Variants in SULF1 observed in about 807,000 individuals in gnomAD.
SULF1 encodes sulfatase 1.
SULF1 carries 46 observed loss-of-function variants against 110.5 expected under a neutral mutation model. The ratio of observed to expected loss-of-function variants is 0.42; its 90% CI spans 0.33 to 0.53. SULF1 has a LOEUF of 0.53. Ranked by LOEUF, SULF1 falls within the 20% of genes least tolerant of loss-of-function variation. SULF1 has a pLI of 0.12. For missense variants in SULF1, 941 were observed against 1,094.2 expected (o/e 0.86, Z 1.98); for synonymous variants, 371 against 387.1 (o/e 0.96, Z 0.49).
intron 8 of SULF1, among the ~76,000 whole-genome samples, chr8:69,590,465 T>C (rs1806814529): frequency 6.6e-6 from 1 of 152,136 alleles, no homozygotes; most frequent in African/African-American, 2.4e-5. Flanking sequence ...GCACCCAGCC[T>C]TATAAAATAT....
In SULF1 at chr8:69,495,878, C is replaced by G. The variant is rs1383584873; in HGVS notation, c.-277C>G. On this transcript the variant is annotated 5_prime_UTR_variant, in exon 2 of 23. Transcript: ENST00000402687. Reference sequence around the variant, plus strand: ...TAAGTTCATCCTTCTTCAGTGTGACCAGTAAATTCTTCCCATACTCTTGAA... The same window carrying G: ...TAAGTTCATCCTTCTTCAGTGTGACGAGTAAATTCTTCCCATACTCTTGAA... 1.3e-5 allele frequency: 2 copies of G among 152,202 alleles called. 1 individual carries two copies. Among genetic ancestry groups the G allele is most frequent in the African/African-American group, 4.8e-5 (2 of 41,448 alleles). The allele number at this position is 152,202 out of a possible 1,614,324, so 9.4% of individuals were successfully genotyped here.
At chr8:69,579,488 G>A (rs1041488512) in intron 6 of SULF1, among the ~76,000 whole-genome samples, 55 of 148,948 alleles carry the variant, frequency 3.7e-4, no homozygotes, top group African/African-American at 1.4e-3. Flanking sequence ...GGCAGAGGTT[G>A]CAGTGAGCCA....
At chr8:69,624,810 A>G (rs1052171749) in intron 15 of SULF1, among the ~76,000 whole-genome samples, 9 of 152,218 alleles carry the variant, frequency 5.9e-5, no homozygotes, top group Non-Finnish European at 1.2e-4. Context: ...CATAAGTTTA[A>G]TGAACTCACT....
intron 3 of SULF1, among the ~76,000 whole-genome samples, chr8:69,511,844 C>T (rs1021692134): frequency 3.9e-5 from 6 of 152,140 alleles, no homozygotes; most frequent in African/African-American, 9.7e-5. Context: ...TATATACATT[C>T]GATGACTTTT....
chr8:69,518,241 A>G (rs1018832842), intron 3 of SULF1, among the ~76,000 whole-genome samples: 2 of 152,046 alleles, frequency 1.3e-5, no homozygotes, highest in African/African-American at 4.8e-5. Flanking sequence ...AGCTCTAGAA[A>G]TTGTATTTGG....
chr8:69,526,754 G>A (rs1343334530), intron 3 of SULF1, among the ~76,000 whole-genome samples: 2 of 151,066 alleles, frequency 1.3e-5, no homozygotes, highest in Non-Finnish European at 2.9e-5. Flanking sequence ...TTACACTACT[G>A]TACTCTGGCA....
chr8:69,528,333 A>G (rs1230320153), intron 3 of SULF1, among the ~76,000 whole-genome samples: 1 of 152,176 alleles, frequency 6.6e-6, no homozygotes, highest in Non-Finnish European at 1.5e-5. Flanking sequence ...AGTTGTAGGG[A>G]TGGGTTTGAG....
At chr8:69,601,618 C>T (rs1807812492) in intron 9 of SULF1, 36 bp from the exon 10 acceptor site, 3 of 1,559,460 alleles carry the variant, frequency 1.9e-6, no homozygotes, top group Non-Finnish European at 2.6e-6. Flanking sequence ...TATACCAGCA[C>T]AATTGATTCT....
chr8:69,508,258 A>C (rs1811328452), intron 3 of SULF1, among the ~76,000 whole-genome samples: 2 of 152,122 alleles, frequency 1.3e-5, no homozygotes, highest in Admixed American at 1.3e-4. Flanking sequence ...GGCATGCGCC[A>C]CCACGCCCAG....
intron 3 of SULF1, among the ~76,000 whole-genome samples, chr8:69,554,953 T>C (rs1586387700): frequency 1.8e-5 from 2 of 113,240 alleles, no homozygotes. Flanking sequence ...CACTCCAGCC[T>C]GGGCGACAGG....
intron 5 of SULF1, among the ~76,000 whole-genome samples, chr8:69,570,600 A>G (rs1276084855): frequency 6.6e-6 from 1 of 152,226 alleles, no homozygotes; most frequent in Non-Finnish European, 1.5e-5. Flanking sequence ...GTTGGAGTAT[A>G]TAAAGTGATT....
At chr8:69,547,292 T>G (rs1814335922) in intron 3 of SULF1, among the ~76,000 whole-genome samples, 1 of 152,196 alleles carries the variant, frequency 6.6e-6, no homozygotes, top group South Asian at 2.1e-4. Context: ...TGAACTGTGA[T>G]GCCTTGTGAA....
At chr8:69,557,737 C>T (rs2150707749) in intron 3 of SULF1, among the ~76,000 whole-genome samples, 1 of 152,348 alleles carries the variant, frequency 6.6e-6, no homozygotes, top group East Asian at 1.9e-4. Flanking sequence ...CCAGCACTCA[C>T]CACTGTGTGA....
chr8:69,600,752 G>A lies in SULF1; in HGVS notation c.884G>A (p.Arg295Lys). 6.2e-7 allele frequency: 1 copy of A among 1,613,470 alleles called. No homozygotes were observed. The highest frequency in any genetic ancestry group is 8.5e-7 in the Non-Finnish European group (1 of 1,179,668). ...TLMSVDDSVE[R>K]LYNMLVETGE... ...ATGTCAGTGGATGATTCTGTGGAGA[G>A]GGTAAGCACATGAACCTACCTCAGT... Residue 295 changes from arginine (R) to lysine (K), a missense_variant and splice_region_variant, in exon 9 of 23, where the codon AGG becomes AAG. By Grantham distance (26) the Arg-to-Lys change is conservative. Transcript: ENST00000402687.
At chr8:69,516,875 C>T (rs1310244379) in intron 3 of SULF1, among the ~76,000 whole-genome samples, 1 of 152,122 alleles carries the variant, frequency 6.6e-6, no homozygotes, top group Admixed American at 6.6e-5. Flanking sequence ...AATACCTTAA[C>T]AAGCTTCCTA....
At chr8:69,489,377 T>C (rs1241444729), upstream of SULF1, among the ~76,000 whole-genome samples, 1 of 152,088 alleles carries the variant, frequency 6.6e-6, no homozygotes, top group Non-Finnish European at 1.5e-5. Context: ...CACTCCTCCC[T>C]TTGGTTTGAA....
At chr8:69,614,074 A>G (rs1808882315) in intron 13 of SULF1, among the ~76,000 whole-genome samples, 1 of 152,158 alleles carries the variant, frequency 6.6e-6, no homozygotes, top group Non-Finnish European at 1.5e-5. Context: ...TAAGTAATAA[A>G]CCATGTGTGG....
chr8:69,624,229 A>G, intron 15 of SULF1, 32 bp downstream of exon 15: 1 of 1,534,430 alleles, frequency 6.5e-7, no homozygotes, highest in East Asian at 2.3e-5. Context: ...ACTAGGGTTG[A>G]GTTCAGAATT....
chr8:69,526,829 G>GGAAGGAAA (rs1812716944), intron 3 of SULF1, among the ~76,000 whole-genome samples: 1 of 145,044 alleles, frequency 6.9e-6, no homozygotes, highest in Non-Finnish European at 1.5e-5. Flanking sequence ...AAGGAAGGAA[G>GGAAGGAAA]GAAGGAAGGA....
Sources: allele counts gnomAD v4.1 joint callset (sites outside exome capture counted in the v4.1 genomes callset), GRCh38; gene constraint gnomAD v4.1.1; transcripts MANE v1.5; gene names NCBI Gene and HGNC (gene_info 2026-07-23, HGNC 2026-07-21).